TMEM164: variants seen among roughly 807,000 people sequenced by gnomAD.
TMEM164 encodes transmembrane protein 164.
A neutral mutation model predicts 18.8 loss-of-function variants in TMEM164; 4 were observed. The observed-to-expected ratio is 0.21, with a 90% CI of 0.10 to 0.49. The LOEUF (loss-of-function observed/expected upper bound fraction) is 0.49. Among genes scored for constraint, TMEM164 ranks in the 20% least tolerant of loss-of-function variants. The probability of loss-of-function intolerance (pLI) is 0.98; values close to 1 mark genes in which losing one functional copy is unlikely to be tolerated. For missense variants in TMEM164, 108 were observed against 239.9 expected (o/e 0.45, Z 3.63); for synonymous variants, 86 against 101.7 (o/e 0.85, Z 0.93).
rs1602618366 is a variant in TMEM164, at chrX:110,097,646, G to A, written c.441-11434G>A. On this transcript the variant is annotated intron_variant, in intron 3 of 6. Coordinates refer to ENST00000372068, the MANE Select transcript of TMEM164 (RefSeq NM_032227.4). ...AGAGTAGAGGTTCCCCTTGTAGATG[G>A]TTGGGTGAGATGAATCGTATTCAGG... 2.7e-5 allele frequency among the ~76,000 whole-genome samples: 3 copies of A among 112,190 alleles called. No individual in the cohort carries two copies. In the Admixed American group the frequency reaches 2.8e-4, roughly 11 times the overall value.
rs141273328 is a variant in TMEM164, at chrX:110,016,132, C to A, written c.390+11968C>A. Among the ~76,000 whole-genome samples the A allele has an allele frequency of 5.8e-4, 65 of 112,710 alleles. No individual in the cohort carries two copies. In the East Asian group the frequency reaches 0.014, roughly 25 times the overall value. ...CCAGTGCTGTGTTTGCTCAGATGGA[C>A]GCACATGGAAACCAGGCTAGGATCA... On this transcript the variant is annotated intron_variant, in intron 2 of 6. Transcript: ENST00000372068.
intron 2 of TMEM164, among the ~76,000 whole-genome samples, chrX:110,026,395 A>G (rs1934191860): frequency 9.0e-6 from 1 of 111,501 alleles, no homozygotes; most frequent in Non-Finnish European, 1.9e-5. Context: ...AATGAGCTGT[A>G]TGCTGGGTGT....
chrX:110,128,380 C>A (rs757322759), intron 4 of TMEM164, among the ~76,000 whole-genome samples: 29 of 112,381 alleles, frequency 2.6e-4, no homozygotes, highest in Non-Finnish European at 4.5e-4. Flanking sequence ...TATATTTTAT[C>A]CTCTGTTGTT....
chrX:110,167,852 A>G (rs942374249), intron 5 of TMEM164, among the ~76,000 whole-genome samples: 11 of 111,665 alleles, frequency 9.9e-5, no homozygotes, highest in Non-Finnish European at 2.1e-4. Flanking sequence ...ATGCTACTAA[A>G]GTCGGGGTTT....
chrX:110,059,484 C>T (rs761667312), intron 2 of TMEM164, among the ~76,000 whole-genome samples: 1 of 111,017 alleles, frequency 9.0e-6, no homozygotes, highest in Non-Finnish European at 1.9e-5. Flanking sequence ...TTAAAATCAG[C>T]GTGTCAGTTT....
chrX:110,101,806 C>T (rs1313150041), intron 3 of TMEM164, among the ~76,000 whole-genome samples: 7 of 109,350 alleles, frequency 6.4e-5, no homozygotes, highest in Admixed American at 2.0e-4. Context: ...TGGTCTTGAA[C>T]TCCTGGGCTC....
chrX:110,093,038 C>T (rs1158631596), intron 3 of TMEM164, among the ~76,000 whole-genome samples: 3 of 111,851 alleles, frequency 2.7e-5, no homozygotes, highest in South Asian at 7.4e-4. Context: ...GTTGAAGCAG[C>T]CTTGCATCCC....
At chrX:110,028,073 A>C (rs985924716) in intron 2 of TMEM164, among the ~76,000 whole-genome samples, 5 of 112,430 alleles carry the variant, frequency 4.4e-5, no homozygotes, top group African/African-American at 1.6e-4. Context: ...AGGAATTTTC[A>C]GACATTGTAT....
intron 4 of TMEM164, among the ~76,000 whole-genome samples, chrX:110,122,353 C>T (rs1354331642): frequency 2.0e-5 from 2 of 102,189 alleles, no homozygotes; most frequent in Non-Finnish European, 3.9e-5. Context: ...CATATTCTCA[C>T]TCATAGGTGG....
At chrX:110,127,872 C>T (rs1210719141) in intron 4 of TMEM164, among the ~76,000 whole-genome samples, 1 of 111,799 alleles carries the variant, frequency 8.9e-6, no homozygotes, top group Non-Finnish European at 1.9e-5. Flanking sequence ...ATGGACCCTG[C>T]GTATGATAGA....
In TMEM164 at chrX:110,003,606, C is replaced by T. The variant is rs1276383721; in HGVS notation, c.-169C>T. The T allele has an allele frequency of 1.8e-6, 1 of 550,749 alleles. No homozygotes were observed. Among genetic ancestry groups the T allele is most frequent in the Non-Finnish European group, 2.8e-6 (1 of 353,671 alleles). 45.4% of individuals were successfully genotyped at this position (550,749 alleles called of 1,213,427 possible). On this transcript the variant is annotated 5_prime_UTR_variant, in exon 2 of 7. Transcript: ENST00000372068. ...GACAAGTTAGAGCCAGCACTTTACC[C>T]CGGGCCTTGCGTGTAGCTTCCCCTC...
At chrX:110,072,449 A>G (rs1469106136) in intron 3 of TMEM164, among the ~76,000 whole-genome samples, 2 of 110,782 alleles carry the variant, frequency 1.8e-5, no homozygotes, top group Admixed American at 1.9e-4. Flanking sequence ...TTTTGGGTCA[A>G]TTTTGGTCGT....
chrX:110,057,469 G>A (rs1012748208), intron 2 of TMEM164, among the ~76,000 whole-genome samples: 7 of 110,111 alleles, frequency 6.4e-5, no homozygotes, highest in Non-Finnish European at 1.3e-4. Flanking sequence ...ATATAGGAGT[G>A]CAGATATCCC....
rs878992948 is a variant in TMEM164, at chrX:110,171,590, G to A, written c.687+70G>A. ...TCCATAAATCTTGGTAATCCTGGTTGGTGCTGACGTATCACTTTGTTTTGA... is the reference window on the plus strand; with the variant it reads ...TCCATAAATCTTGGTAATCCTGGTTAGTGCTGACGTATCACTTTGTTTTGA... On this transcript the variant is annotated intron_variant, in intron 6 of 6. Coordinates refer to ENST00000372068, the MANE Select transcript of TMEM164 (RefSeq NM_032227.4). 20 of 868,892 alleles carry A rather than the reference G, an allele frequency of 2.3e-5. No homozygotes were observed. In the South Asian group the frequency reaches 3.8e-4, roughly 17 times the overall value. 71.6% of individuals were successfully genotyped at this position (868,892 alleles called of 1,213,427 possible). A position where few individuals can be genotyped will look rare whatever the true frequency, so the allele number is the denominator to read the frequency against.
In TMEM164 at chrX:110,105,022, G is replaced by A. The variant is rs1359676046; in HGVS notation, c.441-4058G>A. Among the ~76,000 whole-genome samples, 3 of 111,274 alleles carry A rather than the reference G, an allele frequency of 2.7e-5. No individual in the cohort carries two copies. In the East Asian group the frequency reaches 8.5e-4, roughly 31 times the overall value. On this transcript the variant is annotated intron_variant, in intron 3 of 6. Transcript: ENST00000372068. Reference sequence around the variant, plus strand: ...TTCAGTCTGTCCATCTGCTTTCTCTGGACCTCCTTCTCATACTTTGAATTT... The same window carrying A: ...TTCAGTCTGTCCATCTGCTTTCTCTAGACCTCCTTCTCATACTTTGAATTT...
At position 110,023,324 on chromosome X, in the gene TMEM164, A is replaced by AT. The variant is rs781224697; in HGVS notation, c.390+19171dup. ...TATGACTTTTCTACTTCAGTTCCTC[A>AT]TTTTTTTTTTTCCTTTTTGTGAAAC... On this transcript the variant is annotated intron_variant, in intron 2 of 6. Transcript: ENST00000372068. Among the ~76,000 whole-genome samples the AT allele has an allele frequency of 5.5e-4, 56 of 102,348 alleles. No homozygotes were observed. In the East Asian group the frequency reaches 0.011, roughly 21 times the overall value. 88.9% of individuals were successfully genotyped at this position (102,348 alleles called of 115,157 possible). A position where few individuals can be genotyped will look rare whatever the true frequency, so the allele number is the denominator to read the frequency against.
At chrX:110,080,282 A>G (rs1206350189) in intron 3 of TMEM164, among the ~76,000 whole-genome samples, 2 of 111,984 alleles carry the variant, frequency 1.8e-5, no homozygotes, top group Non-Finnish European at 3.8e-5. Flanking sequence ...GTTTTTTGTA[A>G]TAATATGTAT....
At chrX:110,171,602 T>C in intron 6 of TMEM164, 82 bp downstream of exon 6, 1 of 820,683 alleles carries the variant, frequency 1.2e-6, no homozygotes, top group South Asian at 2.1e-5. Flanking sequence ...TGCTGACGTA[T>C]CACTTTGTTT....
At chrX:110,107,979 AC>A (rs1300061409) in intron 3 of TMEM164, among the ~76,000 whole-genome samples, 1 of 110,344 alleles carries the variant, frequency 9.1e-6, no homozygotes, top group African/African-American at 3.3e-5. Flanking sequence ...AGCGTTACAA[AC>A]ACATCTGTGA....
Sources: gnomAD v4.1 joint callset for allele counts (sites outside exome capture counted in the v4.1 genomes callset) on GRCh38, gnomAD v4.1.1 for gene constraint, MANE v1.5 for transcripts, NCBI Gene and HGNC (gene_info 2026-07-23, HGNC 2026-07-21) for gene names.